Variants in MEI1 observed in about 807,000 individuals in gnomAD.
The protein encoded by MEI1 is meiosis inhibitor protein 1.
In MEI1, 103 loss-of-function variants were observed where a neutral mutation model predicts 146.2. The observed-to-expected ratio is 0.70, with a 90% confidence interval of 0.60 to 0.83. MEI1 has a LOEUF of 0.83. MEI1 is among the 40% of genes least tolerant of loss of function. The pLI is 0.00. For missense variants in MEI1, 1,529 were observed against 1,533.0 expected, an observed-to-expected ratio of 1.00 and a Z score of 0.04; for synonymous variants, 652 against 628.2, an observed-to-expected ratio of 1.04 and a Z score of -0.57.
chr22:41,760,812 A>G (rs962881065), intron 18 of MEI1, among the ~76,000 whole-genome samples: 9 of 152,220 alleles, frequency 5.9e-5, no homozygotes, highest in Admixed American at 3.9e-4. Flanking sequence ...GGAGTTTCAC[A>G]GTGTTCTTCC....
At chr22:41,785,877 T>A (rs1325615181) in intron 26 of MEI1, among the ~76,000 whole-genome samples, 1 of 135,856 alleles carries the variant, frequency 7.4e-6, no homozygotes, top group African/African-American at 2.6e-5. Flanking sequence ...TTTTATTTTT[T>A]TATTTTTTTA....
In MEI1 at chr22:41,716,106, T is replaced by C; in HGVS notation, c.489T>C (p.Asp163=). 6.2e-7 allele frequency: 1 copy of C among 1,611,668 alleles called. No individual in the cohort carries two copies. The highest frequency in any genetic ancestry group is 8.5e-7 in the Non-Finnish European group (1 of 1,178,962). Residue 163 remains aspartate, a synonymous_variant, in exon 5 of 31, where the codon GAT becomes GAC. Coordinates refer to ENST00000401548, the MANE Select transcript of MEI1 (RefSeq NM_152513.4). ...TGACCCTTCTTGGCAAGTTGGTGGA[T>C]GCCATCCCTGCTCTGGCAGACGAGC... The part of the protein sequence containing the change: ...ATLTLLGKLV[D]AIPALADELV...
At chr22:41,709,184 AC>A in intron 3 of MEI1, 2 of 796,078 alleles carry the variant, frequency 2.5e-6, no homozygotes, top group Non-Finnish European at 2.2e-6. Flanking sequence ...CTGTACAGTC[AC>A]CAGAAGTACA....
rs1489882202 is a variant in MEI1 at position 41,784,412 on chromosome 22, T to C, written c.3161T>C (p.Leu1054Pro). 1.2e-6 allele frequency: 2 copies of C among 1,613,824 alleles called. No homozygotes were observed. Among genetic ancestry groups the C allele is most frequent in the Admixed American group, 1.7e-5 (1 of 60,002 alleles). Residue 1054 changes from leucine to proline, a missense_variant, in exon 25 of 31, where the codon CTA becomes CCA. Leu to Pro is a moderately conservative substitution (Grantham distance 98, BLOSUM62 -3). Around this residue, in one of 3 missense-constraint regions of MEI1, gnomAD observed 313 missense variants for 337.3 expected, o/e 0.93. Transcript: ENST00000401548. Reference protein sequence around the residue: ...ALSFPKKKAALLSAAILCFLR... With the variant: ...ALSFPKKKAAPLSAAILCFLR... ...AGCTTTCCAAAGAAAAAGGCTGCAC[T>C]ACTCTCAGGTATGGGTCCACAAGTC... is the stretch of plus-strand genomic sequence containing the variant.
intron 4 of MEI1, among the ~76,000 whole-genome samples, chr22:41,715,387 G>A (rs922389932): frequency 1.3e-5 from 2 of 151,728 alleles, no homozygotes; most frequent in Non-Finnish European, 2.9e-5. Context: ...TAATAACTAT[G>A]ATAACAATAA....
intron 3 of MEI1, among the ~76,000 whole-genome samples, chr22:41,711,482 C>T (rs1473460499): frequency 1.3e-5 from 2 of 152,332 alleles, no homozygotes; most frequent in African/African-American, 4.8e-5. Flanking sequence ...GGGCTACAAT[C>T]CTGCAGCCAT....
chr22:41,753,100 C>G (rs2073879511), intron 16 of MEI1, among the ~76,000 whole-genome samples: 1 of 151,648 alleles, frequency 6.6e-6, no homozygotes, highest in Non-Finnish European at 1.5e-5. Context: ...CTCACTGCAA[C>G]AACCGCCTCC....
chr22:41,724,018 C>T lies in MEI1; in HGVS notation c.809C>T (p.Ala270Val), dbSNP rs1480576700. The stretch of plus-strand genomic sequence containing the variant: ...AACCAGGATGGACTGGGAGAAAGTG[C>T]TAAGAATATCGAAGGGTCATCAGGA... ...IMNQDGLGES[A>V]KNIEGSSGNT... The change falls in exon 7 of 31, where the codon GCT (alanine) becomes GTT (valine). Residue 270 changes from alanine to valine, a missense_variant. Ala to Val is a moderately conservative substitution (Grantham distance 64). Transcript: ENST00000401548. The T allele has an allele frequency of 6.2e-7, 1 of 1,613,756 alleles. No individual in the cohort carries two copies. The highest frequency in any genetic ancestry group is 8.5e-7 in the Non-Finnish European group (1 of 1,179,822).
chr22:41,723,283 G>A (rs1379434186), intron 6 of MEI1, among the ~76,000 whole-genome samples: 2 of 151,936 alleles, frequency 1.3e-5, no homozygotes, highest in Non-Finnish European at 2.9e-5. Context: ...CGCCATCTCA[G>A]TTCACTGCAA....
chr22:41,741,128 A>G (rs1371654161), intron 11 of MEI1, among the ~76,000 whole-genome samples: 1 of 152,114 alleles, frequency 6.6e-6, no homozygotes, highest in Admixed American at 6.6e-5. Context: ...GTTTTAAGAA[A>G]GTTTACAAAT....
At chr22:41,733,070 C>T (rs544338044) in intron 11 of MEI1, among the ~76,000 whole-genome samples, 7 of 152,144 alleles carry the variant, frequency 4.6e-5, no homozygotes, top group African/African-American at 9.6e-5. Context: ...CGTGAGCCAC[C>T]GCATCCAGCT....
intron 5 of MEI1, among the ~76,000 whole-genome samples, chr22:41,716,355 C>CTTTTTTTTTTTTTTT (rs6147630): frequency 5.9e-5 from 7 of 118,586 alleles, no homozygotes; most frequent in Admixed American, 1.0e-4. Context: ...TCCATTCATT[C>CTTTTTTTTTTTTTTT]TTTTTTTTTT....
Position 41,729,843 on chromosome 22 carries a change from T to C in MEI1, c.979+64T>C, listed in dbSNP as rs1201440642. ...AAGGATGGGGTGGTGACAGGTTCAATTGTGTATGACAGACCCTATGAACTA... is the reference window on the plus strand; with the variant it reads ...AAGGATGGGGTGGTGACAGGTTCAACTGTGTATGACAGACCCTATGAACTA... On this transcript the variant is annotated intron_variant, in intron 8 of 30. Coordinates refer to ENST00000401548, the MANE Select transcript of MEI1 (RefSeq NM_152513.4). The C allele has an allele frequency of 5.7e-6, 6 of 1,061,492 alleles. No individual in the cohort carries two copies. The South Asian group carries it at 7.7e-5, about 14-fold the overall frequency. The allele number at this position is 1,061,492 out of a possible 1,614,324, so 65.8% of individuals were successfully genotyped here.
rs116409806 is a variant in MEI1 at position 41,712,771 on chromosome 22, G to A, written c.350-1231G>A. ...GGGCTTTTCCCTTAGACATTCAATT[G>A]GTCTGGGGTGGGACTTGGGTATTAG... On this transcript the variant is annotated intron_variant, in intron 3 of 30. Coordinates refer to ENST00000401548, the MANE Select transcript of MEI1 (RefSeq NM_152513.4). Among the ~76,000 whole-genome samples, 1,227 of 148,788 alleles carry A rather than the reference G, an allele frequency of 8.2e-3. 18 individuals carry two copies. The highest frequency in any genetic ancestry group is 0.029 in the African/African-American group (1,166 of 40,294).
At chr22:41,796,900 ACACCACTGTACTG>A (rs1345731966) in intron 30 of MEI1, among the ~76,000 whole-genome samples, 1 of 152,184 alleles carries the variant, frequency 6.6e-6, no homozygotes, top group Non-Finnish European at 1.5e-5. Context: ...AGCCAAGATC[ACACCACTGTACTG>A]CACCCTGGGC....
chr22:41,715,984 G>A lies in MEI1; in HGVS notation c.424-57G>A, dbSNP rs545828288. On this transcript the variant is annotated intron_variant, in intron 4 of 30. Transcript: ENST00000401548. ...GTGTGGGTAGGGAAAGATCAGTTTT[G>A]GTGGAAGATCTGTCCTGATCCTAAT... The A allele has an allele frequency of 7.9e-6, 10 of 1,263,164 alleles. No individual in the cohort carries two copies. The African/African-American group carries it at 8.9e-5, about 11-fold the overall frequency. The allele number at this position is 1,263,164 out of a possible 1,614,324, so 78.2% of individuals were successfully genotyped here. A position where few individuals can be genotyped will look rare whatever the true frequency, so the allele number is the denominator to read the frequency against.
chr22:41,791,301 A>G (rs2076175090), intron 26 of MEI1, among the ~76,000 whole-genome samples: 3 of 151,948 alleles, frequency 2.0e-5, no homozygotes, highest in Non-Finnish European at 4.4e-5. Context: ...AGCCTGGGCA[A>G]CACAGCACAA....
chr22:41,699,649 GC>G lies in MEI1; in HGVS notation c.114del (p.Val39Ter). 6.3e-7 allele frequency: 1 copy of G among 1,594,962 alleles called. No homozygotes were observed. The highest frequency in any genetic ancestry group is 8.5e-7 in the Non-Finnish European group (1 of 1,170,736). On this transcript the variant is annotated frameshift_variant, in exon 1 of 31. Coordinates refer to ENST00000401548, the MANE Select transcript of MEI1 (RefSeq NM_152513.4). LOFTEE classifies it high-confidence loss of function. Reference sequence around the variant, plus strand: ...ACCGGCACGACCCGCGCTGGCTGCTGCCCGTGACCCCCCGCCTGTGCCTGGC... The same window carrying G: ...ACCGGCACGACCCGCGCTGGCTGCTGCCGTGACCCCCCGCCTGTGCCTGGC... ...HYRHDPRWLL[P>X]VTPRLCLACA...
At chr22:41,774,093 T>C (rs2075323804) in intron 20 of MEI1, 1 of 152,076 alleles carries the variant, frequency 6.6e-6, no homozygotes, top group Non-Finnish European at 1.5e-5. Context: ...TTCATGTAGG[T>C]TTTTTAGATG....
Sources: allele counts gnomAD v4.1 joint callset (sites outside exome capture counted in the v4.1 genomes callset), GRCh38; gene constraint gnomAD v4.1.1; regional missense constraint gnomAD v4.1.1; transcripts MANE v1.5; gene names NCBI Gene and HGNC (gene_info 2026-07-23, HGNC 2026-07-21).